The following SEMA6A variants were observed in gnomAD, a reference collection of about 807,000 sequenced individuals.
SEMA6A encodes the protein semaphorin-6A.
SEMA6A carries 25 observed loss-of-function variants against 96.8 expected under a neutral mutation model. That is an observed-to-expected ratio of 0.26 (90% CI 0.19 to 0.36). The LOEUF (loss-of-function observed/expected upper bound fraction) is 0.36. Among genes scored for constraint, SEMA6A ranks in the 10% least tolerant of loss-of-function variants. The probability of loss-of-function intolerance (pLI) is 1.00; values close to 1 mark genes in which losing one functional copy is unlikely to be tolerated. For synonymous variants in SEMA6A, 612 were observed against 518.0 expected (o/e 1.18, Z -2.46); for missense variants, 1,363 against 1,323.1 (o/e 1.03, Z -0.47).
intron 1 of SEMA6A, among the ~76,000 whole-genome samples, chr5:116,563,994 T>TA (rs869158320): frequency 8.4e-6 from 1 of 119,708 alleles, no homozygotes; most frequent in Non-Finnish European, 2.1e-5. Context: ...CTGTGACACT[T>TA]AAAGTGTTTC....
Position 116,449,532 on chromosome 5 carries a change from T to A in SEMA6A, c.1895-1721A>T, listed in dbSNP as rs1402783735. ...AGACCTTGAAGCTTTCTCATGGGGGTTTTTCTGCTAAAATATTTTGATTTC... is the reference window on the plus strand; with the variant it reads ...AGACCTTGAAGCTTTCTCATGGGGGATTTTCTGCTAAAATATTTTGATTTC... On this transcript the variant is annotated intron_variant, in intron 18 of 18. Transcript: ENST00000343348. 3 of 549,152 alleles carry A rather than the reference T, an allele frequency of 5.5e-6. No homozygotes were observed. In the East Asian group the frequency reaches 9.0e-5, roughly 17 times the overall value. The allele number at this position is 549,152 out of a possible 1,614,324, so 34.0% of individuals were successfully genotyped here.
At position 116,474,172 on chromosome 5, in the gene SEMA6A, T is replaced by C. The variant is rs532338359; in HGVS notation, c.1709-1079A>G. On this transcript the variant is annotated intron_variant, in intron 16 of 18. Coordinates refer to ENST00000343348, the MANE Select transcript of SEMA6A (RefSeq NM_020796.5). ...CGTATTTTCTGATTTGATCCAAATC[T>C]ACACCCCTATTTTTCTACAGACACC... Among the ~76,000 whole-genome samples, 4 of 152,234 alleles carry C rather than the reference T, an allele frequency of 2.6e-5. No homozygotes were observed. The East Asian group carries it at 7.7e-4, about 29-fold the overall frequency.
At chr5:116,465,192 G>A (rs1279210706) in intron 18 of SEMA6A, among the ~76,000 whole-genome samples, 3 of 151,988 alleles carry the variant, frequency 2.0e-5, no homozygotes, top group African/African-American at 7.3e-5. Context: ...AAGAAGCGAG[G>A]GCATCACAGA....
intron 10 of SEMA6A, among the ~76,000 whole-genome samples, chr5:116,483,785 C>T (rs971606315): frequency 2.6e-5 from 4 of 151,980 alleles, no homozygotes; most frequent in East Asian, 1.9e-4. Context: ...AGTGATAGGC[C>T]GGGCGAAGTG....
At chr5:116,495,999 C>T (rs900164789) in intron 5 of SEMA6A, 8 of 421,228 alleles carry the variant, frequency 1.9e-5, no homozygotes, top group East Asian at 1.5e-4. Flanking sequence ...TCTGGGCAGC[C>T]GGCTTTGTGT....
chr5:116,515,398 G>A (rs1403371966), intron 1 of SEMA6A, among the ~76,000 whole-genome samples: 5 of 152,110 alleles, frequency 3.3e-5, no homozygotes, highest in Admixed American at 6.5e-5. Flanking sequence ...GTATTTATTT[G>A]CTTGAGGTGT....
chr5:116,498,322 C>T (rs1225474469), intron 3 of SEMA6A: 4 of 152,096 alleles, frequency 2.6e-5, no homozygotes, highest in African/African-American at 9.7e-5. Flanking sequence ...ACCTCGTCTC[C>T]CATACAGACT....
chr5:116,545,056 C>G (rs1483627923), intron 1 of SEMA6A, among the ~76,000 whole-genome samples: 1 of 152,166 alleles, frequency 6.6e-6, no homozygotes, highest in Non-Finnish European at 1.5e-5. Flanking sequence ...CTCTGGTCAC[C>G]TGCTCCATCC....
Position 116,460,479 on chromosome 5 carries a change from C to T in SEMA6A, c.1894+7104G>A, listed in dbSNP as rs558420207. Among the ~76,000 whole-genome samples, 120 of 152,238 alleles carry T rather than the reference C, an allele frequency of 7.9e-4. 3 individuals are homozygous for T. The South Asian group carries it at 0.011, about 14-fold the overall frequency. ...TATTCACTGAGTAAGTTATCAGTGACATCTTCTATAGAATTGTCAGGTAGC... is the reference window on the plus strand; with the variant it reads ...TATTCACTGAGTAAGTTATCAGTGATATCTTCTATAGAATTGTCAGGTAGC... On this transcript the variant is annotated intron_variant, in intron 18 of 18. Transcript: ENST00000343348.
At chr5:116,484,128 ATTAT>A (rs954125086) in intron 10 of SEMA6A, among the ~76,000 whole-genome samples, 4 of 151,586 alleles carry the variant, frequency 2.6e-5, no homozygotes, top group African/African-American at 9.7e-5. Context: ...GAACCTTTGC[ATTAT>A]TTATTTGATT....
intron 6 of SEMA6A, among the ~76,000 whole-genome samples, chr5:116,494,396 A>G (rs948555317): frequency 6.6e-6 from 1 of 152,170 alleles, no homozygotes; most frequent in Non-Finnish European, 1.5e-5. Flanking sequence ...GGGAGGCACT[A>G]TGTTAGGTTC....
intron 1 of SEMA6A, among the ~76,000 whole-genome samples, chr5:116,553,145 T>A (rs893025691): frequency 4.6e-5 from 7 of 152,242 alleles, no homozygotes; most frequent in African/African-American, 1.7e-4. Context: ...TTACTTTGAA[T>A]AATACGTTAC....
chr5:116,517,754 T>A (rs1758736670), intron 1 of SEMA6A, among the ~76,000 whole-genome samples: 1 of 152,162 alleles, frequency 6.6e-6, no homozygotes, highest in South Asian at 2.1e-4. Flanking sequence ...AGTGACTGCC[T>A]CCCCAGGCTC....
intron 17 of SEMA6A, chr5:116,469,503 A>C (rs994090463): frequency 1.4e-4 from 22 of 152,224 alleles, no homozygotes; most frequent in African/African-American, 5.3e-4. Context: ...GGTCAGCCTA[A>C]GAGAAAATTC....
At chr5:116,507,195 T>C (rs776052757) in intron 1 of SEMA6A, among the ~76,000 whole-genome samples, 105 of 152,332 alleles carry the variant, frequency 6.9e-4, no homozygotes, top group Non-Finnish European at 9.6e-4. Flanking sequence ...TATCATTATA[T>C]CATCAGGTAG....
intron 13 of SEMA6A, 61 bp downstream of exon 13, chr5:116,478,481 T>C: frequency 6.9e-7 from 1 of 1,453,392 alleles, no homozygotes; most frequent in Non-Finnish European, 9.2e-7. Flanking sequence ...TTTCTCTGAA[T>C]GAAAGGGGCC....
chr5:116,471,852 C>T (rs1489965421), intron 17 of SEMA6A, among the ~76,000 whole-genome samples: 2 of 152,208 alleles, frequency 1.3e-5, no homozygotes, highest in African/African-American at 4.8e-5. Context: ...CCATCAGGAA[C>T]TATTTCTTTG....
At chr5:116,461,099 TAGTC>T (rs1243982069) in intron 18 of SEMA6A, among the ~76,000 whole-genome samples, 3 of 152,208 alleles carry the variant, frequency 2.0e-5, no homozygotes, top group East Asian at 1.9e-4. Flanking sequence ...GTATTTTTCA[TAGTC>T]AGCAACAATA....
intron 1 of SEMA6A, among the ~76,000 whole-genome samples, chr5:116,514,099 G>A (rs548167634): frequency 5.5e-4 from 83 of 152,144 alleles, no homozygotes; most frequent in African/African-American, 1.6e-3. Flanking sequence ...GAACATATAC[G>A]TGCATGTGTC....
Sources: gnomAD v4.1 joint callset for allele counts (sites outside exome capture counted in the v4.1 genomes callset) on GRCh38, gnomAD v4.1.1 for gene constraint, MANE v1.5 for transcripts, NCBI Gene and HGNC (gene_info 2026-07-23, HGNC 2026-07-21) for gene names.